The following CYRIB variants were observed in gnomAD, a reference collection of about 807,000 sequenced individuals.
CYRIB encodes CYFIP related Rac1 interactor B.
A neutral mutation model predicts 44.2 loss-of-function variants in CYRIB; 8 were observed. The ratio of observed to expected loss-of-function variants is 0.18; its 90% CI spans 0.11 to 0.33. The LOEUF is 0.33. Ranked by LOEUF, CYRIB falls within the 10% of genes least tolerant of loss-of-function variation. CYRIB has a pLI of 1.00. For synonymous variants in CYRIB, 131 were observed against 127.2 expected (o/e 1.03, Z -0.20); for missense variants, 185 against 382.8 (o/e 0.48, Z 4.31).
chr8:129,939,923 AT>A (rs2093528327), upstream of CYRIB: 1 of 152,016 alleles, frequency 6.6e-6, no homozygotes, highest in Non-Finnish European at 1.5e-5. Context: ...CGCAAGGTAA[AT>A]CCTTAGCCTA....
chr8:129,967,590 AG>A (rs1308046179), intron 2 of CYRIB, among the ~76,000 whole-genome samples: 1 of 151,910 alleles, frequency 6.6e-6, no homozygotes, highest in Non-Finnish European at 1.5e-5. Flanking sequence ...CCTGTTAGCC[AG>A]GATGGTCTCG....
intron 2 of CYRIB, among the ~76,000 whole-genome samples, chr8:129,951,719 A>G (rs2094512832): frequency 2.0e-5 from 3 of 151,824 alleles, no homozygotes; most frequent in Admixed American, 2.0e-4. Context: ...AAAAAAAAAG[A>G]AAGAAAATGG....
At chr8:130,001,636 C>A (rs1179767511) in intron 1 of CYRIB, among the ~76,000 whole-genome samples, 2 of 147,720 alleles carry the variant, frequency 1.4e-5, no homozygotes, top group Non-Finnish European at 3.0e-5. Flanking sequence ...TCAAGCAATT[C>A]TCCTGCCTCA....
chr8:129,939,083 T>C (rs2093319308), intron 1 of CYRIB, among the ~76,000 whole-genome samples: 2 of 151,950 alleles, frequency 1.3e-5, no homozygotes, highest in Non-Finnish European at 2.9e-5. Context: ...TGGGGAGCGA[T>C]AAAGACACCA....
chr8:129,870,210 G>C (rs943347054), intron 4 of CYRIB, among the ~76,000 whole-genome samples: 3 of 151,990 alleles, frequency 2.0e-5, no homozygotes, highest in Admixed American at 2.0e-4. Context: ...ATCACTTGAG[G>C]CCAGGAGTTC....
At chr8:129,889,798 CTTT>C (rs112004277) in intron 2 of CYRIB, among the ~76,000 whole-genome samples, 89 of 144,078 alleles carry the variant, frequency 6.2e-4, no homozygotes, top group Non-Finnish European at 1.2e-3. Flanking sequence ...GGTTTCTTTC[CTTT>C]TTTTTTTTTT....
chr8:129,984,000 A>G (rs2096357601), intron 1 of CYRIB, among the ~76,000 whole-genome samples: 1 of 152,228 alleles, frequency 6.6e-6, no homozygotes, highest in Admixed American at 6.5e-5. Flanking sequence ...TGTTCCCCGG[A>G]ATCGGAGATC....
At chr8:129,865,961 G>GAAAAT (rs1587867573) in intron 4 of CYRIB, among the ~76,000 whole-genome samples, 1 of 152,280 alleles carries the variant, frequency 6.6e-6, no homozygotes, top group Non-Finnish European at 1.5e-5. Context: ...CCACATCGGG[G>GAAAAT]AAAATAGTTG....
intron 5 of CYRIB, among the ~76,000 whole-genome samples, chr8:129,860,848 C>T (rs1307536647): frequency 6.9e-6 from 1 of 145,722 alleles, no homozygotes; most frequent in East Asian, 2.0e-4. Context: ...TCAATTATTG[C>T]TAGTTGGAGG....
exon 4 of CYRIB, chr8:129,871,479 A>C (rs751308047): frequency 1.2e-6 from 2 of 1,609,088 alleles, no homozygotes; most frequent in Non-Finnish European, 1.7e-6. Flanking sequence ...TCCTTCTCAG[A>C]CTCTGTAGGC....
rs567968791 is a variant in CYRIB, at chr8:129,854,825, T to C, written c.439-482A>G. Among the ~76,000 whole-genome samples the C allele has an allele frequency of 4.6e-4, 70 of 152,318 alleles. No homozygotes were observed. In the South Asian group the frequency reaches 0.01, roughly 22 times the overall value. ...ATCAAAGGACGTGCCCAACGTCTCA[T>C]GACTAGGGTTACTGTGGCAGAGTAT... On this transcript the variant is annotated intron_variant, in intron 6 of 11. Coordinates refer to ENST00000519824, the Ensembl canonical transcript of CYRIB.
Position 129,924,273 on chromosome 8 carries a change from CA to C in CYRIB, c.-50+15334del, listed in dbSNP as rs34140791. On this transcript the variant is annotated intron_variant, in intron 1 of 11. Coordinates refer to ENST00000519824, the Ensembl canonical transcript of CYRIB. ...CAAGCGACAGAGTGAGACCTGCCTC[CA>C]AAAAAAAAAAAAAAACCGGGGGGGG... 8.2e-3 allele frequency among the ~76,000 whole-genome samples: 370 copies of C among 45,228 alleles called. 2 individuals are homozygous for C. The highest frequency in any genetic ancestry group is 0.022 in the African/African-American group (256 of 11,846). 29.7% of individuals were successfully genotyped at this position (45,228 alleles called of 152,430 possible).
At chr8:129,928,675 AAAAAG>A (rs1251559671) in intron 1 of CYRIB, among the ~76,000 whole-genome samples, 1 of 151,966 alleles carries the variant, frequency 6.6e-6, no homozygotes, top group Non-Finnish European at 1.5e-5. Flanking sequence ...AAAAAAAAGA[AAAAAG>A]AAAAGAAAAG....
intron 1 of CYRIB, among the ~76,000 whole-genome samples, chr8:129,930,492 A>G (rs547415395): frequency 6.6e-6 from 1 of 151,004 alleles, no homozygotes; most frequent in East Asian, 1.9e-4. Context: ...CTTATAAGGC[A>G]TGAACAATGA....
At chr8:129,942,110 G>A (rs983381635), upstream of CYRIB, among the ~76,000 whole-genome samples, 1 of 152,178 alleles carries the variant, frequency 6.6e-6, no homozygotes. Context: ...GGAGGCTGAA[G>A]CAGGTGGATC....
At chr8:129,902,384 A>G (rs905877268) in intron 2 of CYRIB, among the ~76,000 whole-genome samples, 1 of 152,024 alleles carries the variant, frequency 6.6e-6, no homozygotes, top group Admixed American at 6.6e-5. Flanking sequence ...ACACCTGCCT[A>G]ATTTTTTGTA....
At chr8:130,005,214 G>A (rs966738495) in intron 1 of CYRIB, among the ~76,000 whole-genome samples, 2 of 151,848 alleles carry the variant, frequency 1.3e-5, no homozygotes, top group Admixed American at 1.3e-4. Context: ...CTTCTCCTTT[G>A]GTGCTTTTAG....
At chr8:129,915,558 A>G (rs968747315) in intron 1 of CYRIB, among the ~76,000 whole-genome samples, 11 of 152,208 alleles carry the variant, frequency 7.2e-5, no homozygotes, top group African/African-American at 2.7e-4. Flanking sequence ...GTCTAGGGGC[A>G]GGTAGGGTGG....
chr8:129,965,817 T>A (rs998530082), intron 2 of CYRIB, among the ~76,000 whole-genome samples: 4 of 151,662 alleles, frequency 2.6e-5, no homozygotes, highest in Middle Eastern at 3.2e-3. Flanking sequence ...AGAATATACA[T>A]TCAATCAATT....
Sources: gnomAD v4.1 joint callset for allele counts (sites outside exome capture counted in the v4.1 genomes callset) on GRCh38, gnomAD v4.1.1 for gene constraint, MANE v1.5 for transcripts, NCBI Gene and HGNC (gene_info 2026-07-23, HGNC 2026-07-21) for gene names.